Variants in SGCG observed in about 807,000 individuals in gnomAD.
SGCG encodes gamma-sarcoglycan.
In SGCG, 26 loss-of-function variants were observed where a neutral mutation model predicts 29.3. The observed-to-expected ratio is 0.89, with a 90% CI of 0.65 to 1.23. The LOEUF (loss-of-function observed/expected upper bound fraction) is 1.23, where lower values mean the gene tolerates loss of function less well. Ranked by LOEUF, SGCG falls within the 50% of genes most tolerant of loss-of-function variation. The pLI is 0.00. For synonymous variants in SGCG, 145 were observed against 129.7 expected (o/e 1.12, Z -0.80); for missense variants, 353 against 356.0 (o/e 0.99, Z 0.07).
intron 6 of SGCG, among the ~76,000 whole-genome samples, chr13:23,301,091 G>A (rs1794297269): frequency 6.6e-6 from 1 of 152,058 alleles, no homozygotes; most frequent in Non-Finnish European, 1.5e-5. Flanking sequence ...ACTCCAGCCT[G>A]GGCGACAGAG....
intron 1 of SGCG, among the ~76,000 whole-genome samples, chr13:23,183,353 G>A (rs1303395211): frequency 1.3e-5 from 2 of 152,164 alleles, no homozygotes; most frequent in Admixed American, 1.3e-4. Flanking sequence ...TCAGGAACTT[G>A]AACCTGCTTC....
chr13:23,234,417 C>T (rs923513190), intron 2 of SGCG, among the ~76,000 whole-genome samples, 194 bp from the exon 3 acceptor site: 1 of 151,728 alleles, frequency 6.6e-6, no homozygotes, highest in Non-Finnish European at 1.5e-5. Context: ...TTCTAAAGAG[C>T]TCTTTGTATT....
Position 23,299,744 on chromosome 13 carries a change from G to A in SGCG, c.578+4257G>A, listed in dbSNP as rs1043681150. ...TGGGATTACAGGCGTTAGCCACCGT[G>A]CCCGGCCTTAGATTTACATTTCTTA... On this transcript the variant is annotated intron_variant, in intron 6 of 7. Transcript: ENST00000218867. 3.6e-4 allele frequency among the ~76,000 whole-genome samples: 55 copies of A among 152,116 alleles called. 1 individual carries two copies. The highest frequency in any genetic ancestry group is 3.4e-3 in the Middle Eastern group (1 of 294).
At chr13:23,163,425 C>T in the SGCG span, among the ~76,000 whole-genome samples, 1 of 152,098 alleles carries the variant, frequency 6.6e-6, no homozygotes, top group African/African-American at 2.4e-5. Flanking sequence ...AATGTCTGGA[C>T]CTAATACCTA....
intron 2 of SGCG, among the ~76,000 whole-genome samples, chr13:23,222,796 C>T (rs1452389310): frequency 1.3e-5 from 2 of 152,122 alleles, no homozygotes; most frequent in Non-Finnish European, 2.9e-5. Flanking sequence ...CCACTGCACT[C>T]CAGCCTGGGT....
chr13:23,288,713 T>A (rs1881593373), intron 5 of SGCG, among the ~76,000 whole-genome samples: 1 of 152,232 alleles, frequency 6.6e-6, no homozygotes, highest in Admixed American at 6.5e-5. Context: ...ACTATTGGAA[T>A]AACATCAAAA....
intron 2 of SGCG, among the ~76,000 whole-genome samples, chr13:23,226,823 G>C (rs775015050): frequency 2.0e-5 from 3 of 152,036 alleles, no homozygotes; most frequent in Non-Finnish European, 4.4e-5. Context: ...TTCTGGAAGG[G>C]GTGATGGTTG....
At chr13:23,285,306 C>T (rs1881455889) in intron 5 of SGCG, among the ~76,000 whole-genome samples, 1 of 152,172 alleles carries the variant, frequency 6.6e-6, no homozygotes, top group Admixed American at 6.5e-5. Flanking sequence ...ATGCCCTGCC[C>T]AGAGAGGAGG....
At chr13:23,312,160 G>C (rs982372649) in intron 6 of SGCG, among the ~76,000 whole-genome samples, 1 of 152,166 alleles carries the variant, frequency 6.6e-6, no homozygotes, top group East Asian at 1.9e-4. Flanking sequence ...GATTCATTCA[G>C]ATGTCATATT....
intron 5 of SGCG, among the ~76,000 whole-genome samples, chr13:23,285,044 G>A (rs1023888261): frequency 1.3e-5 from 2 of 152,140 alleles, no homozygotes; most frequent in African/African-American, 4.8e-5. Flanking sequence ...GGTGTCTGTC[G>A]ACCCCTGCTG....
At chr13:23,190,130 T>C (rs1270112109) in intron 1 of SGCG, among the ~76,000 whole-genome samples, 1 of 114,612 alleles carries the variant, frequency 8.7e-6, no homozygotes, top group Non-Finnish European at 2.1e-5. Context: ...AATGGCTCTA[T>C]TTAAAATATT....
chr13:23,225,808 C>CAA (rs1477079438), intron 2 of SGCG, among the ~76,000 whole-genome samples: 1 of 150,204 alleles, frequency 6.7e-6, no homozygotes, highest in African/African-American at 2.4e-5. Context: ...CACACACACA[C>CAA]CCCTACATAC....
At chr13:23,239,283 T>C (rs2137551218) in intron 3 of SGCG, among the ~76,000 whole-genome samples, 1 of 152,234 alleles carries the variant, frequency 6.6e-6, no homozygotes, top group Non-Finnish European at 1.5e-5. Context: ...ATCAGCCTTC[T>C]AGTCAGTAAC....
intron 6 of SGCG, among the ~76,000 whole-genome samples, chr13:23,313,056 T>C (rs1440108061): frequency 6.6e-6 from 1 of 152,316 alleles, no homozygotes; most frequent in South Asian, 2.1e-4. Flanking sequence ...ATCATACTTA[T>C]ATTCATGCTT....
intron 4 of SGCG, among the ~76,000 whole-genome samples, chr13:23,272,287 G>A (rs1880901588): frequency 1.3e-5 from 2 of 151,962 alleles, no homozygotes; most frequent in Admixed American, 6.6e-5. Flanking sequence ...CTTGCCTTAG[G>A]GTTAAAATAC....
At chr13:23,219,142 G>A (rs974040912) in intron 2 of SGCG, among the ~76,000 whole-genome samples, 1 of 151,428 alleles carries the variant, frequency 6.6e-6, no homozygotes, top group Non-Finnish European at 1.5e-5. Flanking sequence ...CTGCCTCCTG[G>A]GTTCACGCCA....
At chr13:23,165,991 C>T in the SGCG span, among the ~76,000 whole-genome samples, 26 of 152,212 alleles carry the variant, frequency 1.7e-4, no homozygotes, top group South Asian at 6.2e-4. Context: ...TTTGTGAACA[C>T]GGTTTTAGTT....
At chr13:23,234,948 C>T (rs1418483282) in intron 3 of SGCG, among the ~76,000 whole-genome samples, 1 of 152,020 alleles carries the variant, frequency 6.6e-6, no homozygotes, top group Non-Finnish European at 1.5e-5. Context: ...TAGTTTAGAC[C>T]ATAATAAACT....
At chr13:23,311,040 A>T (rs746398729) in intron 6 of SGCG, among the ~76,000 whole-genome samples, 19 of 152,192 alleles carry the variant, frequency 1.2e-4, no homozygotes, top group Non-Finnish European at 2.1e-4. Context: ...TTCCATAAGT[A>T]CATTTTTTGG....
Sources: allele counts gnomAD v4.1 joint callset (sites outside exome capture counted in the v4.1 genomes callset), GRCh38; gene constraint gnomAD v4.1.1; transcripts MANE v1.5; gene names NCBI Gene and HGNC (gene_info 2026-07-23, HGNC 2026-07-21).